The following BLTP3A variants were observed in gnomAD, a reference collection of about 807,000 sequenced individuals.
The protein encoded by BLTP3A is bridge-like lipid transfer protein family member 3A.
At chr6:34,856,491 A>G in the BLTP3A span, 2 of 1,507,608 alleles carry the variant, frequency 1.3e-6, no homozygotes, top group African/African-American at 1.4e-5. Context: ...TAAAGCAAGA[A>G]CTAGCTAATT....
At chr6:34,867,647 A>G in the BLTP3A span, 11 of 1,601,562 alleles carry the variant, frequency 6.9e-6, no homozygotes, top group South Asian at 1.1e-5. Flanking sequence ...ACGACAGATC[A>G]TGGGACTTGT....
the BLTP3A span, among the ~76,000 whole-genome samples, chr6:34,832,359 G>C: frequency 6.6e-6 from 1 of 152,026 alleles, no homozygotes; most frequent in Non-Finnish European, 1.5e-5. Flanking sequence ...AGGCTCAAGT[G>C]ATGTGCCTGC....
chr6:34,818,759 C>T, the BLTP3A span, among the ~76,000 whole-genome samples: 160 of 152,182 alleles, frequency 1.1e-3, 2 homozygotes, highest in Admixed American at 5.2e-3. Context: ...TAATATCATA[C>T]GGTATTGTTT....
the BLTP3A span, among the ~76,000 whole-genome samples, chr6:34,863,562 A>G: frequency 3.9e-5 from 6 of 152,138 alleles, no homozygotes; most frequent in Non-Finnish European, 8.8e-5. Flanking sequence ...GTTGTCTAGA[A>G]CTGGGGATGT....
chr6:34,802,146 T>TA, the BLTP3A span, among the ~76,000 whole-genome samples: 368 of 152,352 alleles, frequency 2.4e-3, no homozygotes, highest in Non-Finnish European at 3.8e-3. Context: ...TTACTCTTGG[T>TA]ATTGGAATCA....
At chr6:34,872,174 A>G in the BLTP3A span, 6 of 1,107,572 alleles carry the variant, frequency 5.4e-6, no homozygotes, top group South Asian at 1.6e-5. Context: ...TCAAGGTCTT[A>G]GAAAAGATAT....
the BLTP3A span, among the ~76,000 whole-genome samples, chr6:34,827,186 C>G: frequency 6.6e-6 from 1 of 152,020 alleles, no homozygotes; most frequent in Non-Finnish European, 1.5e-5. Context: ...TGGCGCGTGC[C>G]TGTAGTCCCA....
At chr6:34,826,740 T>C in the BLTP3A span, among the ~76,000 whole-genome samples, 1 of 152,150 alleles carries the variant, frequency 6.6e-6, no homozygotes, top group Non-Finnish European at 1.5e-5. Flanking sequence ...TGTTCATATC[T>C]CCCCATCTTT....
chr6:34,821,954 T>C, the BLTP3A span: 2 of 1,614,234 alleles, frequency 1.2e-6, no homozygotes, highest in East Asian at 2.2e-5. Context: ...CCTATTTGCT[T>C]GGTAATGACC....
chr6:34,864,339 C>G, the BLTP3A span: 1 of 916,786 alleles, frequency 1.1e-6, no homozygotes, highest in East Asian at 2.6e-5. Context: ...AAAAGAGAGA[C>G]AGAGAAATTT....
chr6:34,865,582 T>G, the BLTP3A span, among the ~76,000 whole-genome samples: 1 of 152,148 alleles, frequency 6.6e-6, no homozygotes, highest in Non-Finnish European at 1.5e-5. Context: ...GGTAACTCTA[T>G]TTTTAGCTTT....
At chr6:34,821,872 G>A in the BLTP3A span, 1 of 1,614,134 alleles carries the variant, frequency 6.2e-7, no homozygotes, top group Non-Finnish European at 8.5e-7. Flanking sequence ...CTGCTTTCTG[G>A]AGGGTCAGCT....
the BLTP3A span, among the ~76,000 whole-genome samples, chr6:34,847,539 G>C: frequency 6.6e-6 from 1 of 151,898 alleles, no homozygotes; most frequent in African/African-American, 2.4e-5. Flanking sequence ...TTAGTAGGCT[G>C]TATATAGCTA....
At chr6:34,824,379 A>C in the BLTP3A span, among the ~76,000 whole-genome samples, 1 of 151,866 alleles carries the variant, frequency 6.6e-6, no homozygotes, top group African/African-American at 2.4e-5. Flanking sequence ...CTAAAAATAA[A>C]AACTCCATTT....
the BLTP3A span, among the ~76,000 whole-genome samples, chr6:34,792,473 C>T: frequency 6.6e-6 from 1 of 152,190 alleles, no homozygotes; most frequent in Non-Finnish European, 1.5e-5. Context: ...CCGGCGCCCA[C>T]CGTTGTCGCC....
At chr6:34,823,539 GTT>G in the BLTP3A span, among the ~76,000 whole-genome samples, 2 of 134,110 alleles carry the variant, frequency 1.5e-5, no homozygotes, top group Non-Finnish European at 1.6e-5. Flanking sequence ...TTCTTCTTCT[GTT>G]TTTTTTTTTT....
chr6:34,835,549 C>A, the BLTP3A span: 1 of 1,437,304 alleles, frequency 7.0e-7, no homozygotes, highest in Non-Finnish European at 9.3e-7. Flanking sequence ...GGAATCTAGA[C>A]TTTATTTGGG....
chr6:34,860,299 A>G, the BLTP3A span, among the ~76,000 whole-genome samples: 9 of 152,210 alleles, frequency 5.9e-5, no homozygotes, highest in African/African-American at 1.9e-4. Flanking sequence ...AAACACAGAA[A>G]TGCACAGTGA....
At chr6:34,858,105 T>A in the BLTP3A span, 1 of 1,604,782 alleles carries the variant, frequency 6.2e-7, no homozygotes, top group Non-Finnish European at 8.5e-7. Flanking sequence ...CTGAATTGTG[T>A]TTCATTTTCT....
Sources: gnomAD v4.1 joint callset for allele counts (sites outside exome capture counted in the v4.1 genomes callset) on GRCh38, gnomAD v4.1.1 for gene constraint, MANE v1.5 for transcripts, NCBI Gene and HGNC (gene_info 2026-07-23, HGNC 2026-07-21) for gene names.